TBL1XR1: variants seen among roughly 807,000 people sequenced by gnomAD.
The protein encoded by TBL1XR1 is TBL1X/Y related 1.
Under a neutral mutation model 66.9 loss-of-function variants are expected in TBL1XR1, and 5 were observed. The observed-to-expected ratio is 0.07, with a 90% CI of 0.04 to 0.16. The LOEUF (loss-of-function observed/expected upper bound fraction) is 0.16, where lower values mean the gene tolerates loss of function less well. Among genes scored for constraint, TBL1XR1 ranks in the 10% least tolerant of loss-of-function variants. The pLI is 1.00. For synonymous variants in TBL1XR1, 210 were observed against 206.0 expected, an observed-to-expected ratio of 1.02 and a Z score of -0.17; for missense variants, 238 against 623.2, an observed-to-expected ratio of 0.38 and a Z score of 6.58.
At chr3:177,062,582 A>G (rs183462995) in intron 3 of TBL1XR1, among the ~76,000 whole-genome samples, 2 of 152,296 alleles carry the variant, frequency 1.3e-5, no homozygotes, top group Admixed American at 6.5e-5. Flanking sequence ...CATAATGTAA[A>G]CAGGAAGTTA....
In TBL1XR1 at chr3:177,057,431, T is replaced by C. The variant is rs186534010; in HGVS notation, c.59-3513A>G. Among the ~76,000 whole-genome samples, 6 of 152,308 alleles carry C rather than the reference T, an allele frequency of 3.9e-5. No homozygotes were observed. In the East Asian group the frequency reaches 1.2e-3, roughly 29 times the overall value. On this transcript the variant is annotated intron_variant, in intron 3 of 15. Transcript: ENST00000457928. ...TAGTAATCCTTTAATTCTGGGAAAC[T>C]AGCACATTACCTGAGTCAACAAGTA...
chr3:177,104,925 G>C (rs28528188), intron 1 of TBL1XR1, among the ~76,000 whole-genome samples: 5,633 of 152,232 alleles, frequency 0.037, 212 homozygotes, highest in African/African-American at 0.085. Flanking sequence ...AAAGACAACA[G>C]CACAAACTCT....
intron 2 of TBL1XR1, chr3:177,079,372 G>C (rs1721115342): frequency 6.6e-6 from 1 of 150,972 alleles, no homozygotes; most frequent in African/African-American, 2.4e-5. Flanking sequence ...GGTGGAGCTT[G>C]CAGTGAGCCA....
At chr3:177,143,548 T>C (rs2108827283) in intron 1 of TBL1XR1, among the ~76,000 whole-genome samples, 1 of 152,334 alleles carries the variant, frequency 6.6e-6, no homozygotes, top group African/African-American at 2.4e-5. Flanking sequence ...CAGCTAACCT[T>C]TGAAATTAAA....
intron 3 of TBL1XR1, among the ~76,000 whole-genome samples, chr3:177,055,298 T>C: frequency 6.6e-6 from 1 of 151,988 alleles, no homozygotes. Flanking sequence ...CTAGGAAAAT[T>C]TGGTTATTTG....
intron 1 of TBL1XR1, among the ~76,000 whole-genome samples, chr3:177,149,977 A>AT (rs1458886216): frequency 6.6e-6 from 1 of 152,236 alleles, no homozygotes; most frequent in Non-Finnish European, 1.5e-5. Context: ...TAAAGTGGGT[A>AT]TTAATATATT....
chr3:177,042,708 A>G (rs988536554), intron 10 of TBL1XR1, among the ~76,000 whole-genome samples: 1 of 152,136 alleles, frequency 6.6e-6, no homozygotes, highest in African/African-American at 2.4e-5. Context: ...ACTAATACCC[A>G]TCTCATTTTA....
At chr3:177,042,926 CTTTATTGACATATAA>C (rs767867676) in intron 10 of TBL1XR1, among the ~76,000 whole-genome samples, 85 of 152,040 alleles carry the variant, frequency 5.6e-4, no homozygotes, top group Admixed American at 1.2e-3. Flanking sequence ...AAAAAAAAGC[CTTTATTGACATATAA>C]TTCACATACC....
intron 1 of TBL1XR1, among the ~76,000 whole-genome samples, chr3:177,135,356 T>C (rs1362960507): frequency 3.5e-3 from 113 of 31,912 alleles, no homozygotes; most frequent in Middle Eastern, 0.016. Flanking sequence ...TATATATATA[T>C]ATATATATAT....
intron 1 of TBL1XR1, among the ~76,000 whole-genome samples, chr3:177,107,236 T>G (rs1724994790): frequency 6.6e-6 from 1 of 152,220 alleles, no homozygotes; most frequent in South Asian, 2.1e-4. Flanking sequence ...TTCTGAAATG[T>G]TATGTTTCTA....
intron 1 of TBL1XR1, among the ~76,000 whole-genome samples, chr3:177,162,274 G>A (rs1265057135): frequency 1.3e-5 from 2 of 152,130 alleles, no homozygotes; most frequent in African/African-American, 2.4e-5. Flanking sequence ...AAATGATGAA[G>A]CACAGATTTA....
At chr3:177,160,110 G>GA (rs1731998248) in intron 1 of TBL1XR1, among the ~76,000 whole-genome samples, 1 of 152,122 alleles carries the variant, frequency 6.6e-6, no homozygotes, top group Non-Finnish European at 1.5e-5. Flanking sequence ...ACTTTCTCAA[G>GA]AAGCTCAAAT....
intron 1 of TBL1XR1, among the ~76,000 whole-genome samples, chr3:177,106,574 GTAACTAGATA>G (rs1472590076): frequency 6.6e-6 from 1 of 152,178 alleles, no homozygotes; most frequent in African/African-American, 2.4e-5. Context: ...CTGACTCTTA[GTAACTAGATA>G]ACCTCTCTCA....
At chr3:177,079,930 G>T (rs1038313573) in intron 2 of TBL1XR1, 1 of 152,062 alleles carries the variant, frequency 6.6e-6, no homozygotes, top group Non-Finnish European at 1.5e-5. Context: ...CTAGTCCAAG[G>T]CCTCAGTTTC....
At chr3:177,043,236 T>C (rs1319050665) in intron 10 of TBL1XR1, among the ~76,000 whole-genome samples, 1 of 152,190 alleles carries the variant, frequency 6.6e-6, no homozygotes, top group Non-Finnish European at 1.5e-5. Context: ...TCTCAGTCCA[T>C]CAATTATTGA....
At chr3:177,151,315 C>T (rs527251275) in intron 1 of TBL1XR1, among the ~76,000 whole-genome samples, 2 of 152,304 alleles carry the variant, frequency 1.3e-5, no homozygotes, top group South Asian at 4.1e-4. Context: ...AAAACAGTTG[C>T]ATTTGATTTT....
At chr3:177,162,015 C>G (rs1366968450) in intron 1 of TBL1XR1, among the ~76,000 whole-genome samples, 1 of 152,140 alleles carries the variant, frequency 6.6e-6, no homozygotes, top group East Asian at 1.9e-4. Flanking sequence ...AGTGAAAGAG[C>G]AGACTGGCAC....
chr3:177,175,384 C>T (rs963313811), intron 1 of TBL1XR1, among the ~76,000 whole-genome samples: 41 of 152,238 alleles, frequency 2.7e-4, no homozygotes, highest in African/African-American at 9.4e-4. Flanking sequence ...CAGAATGTAA[C>T]AAATGCACCT....
chr3:177,073,057 T>C (rs1020952480), intron 2 of TBL1XR1, among the ~76,000 whole-genome samples: 3 of 152,060 alleles, frequency 2.0e-5, no homozygotes, highest in Admixed American at 6.6e-5. Flanking sequence ...AAGAGAGAGT[T>C]TGATTTCAAA....
Sources: allele counts gnomAD v4.1 joint callset (sites outside exome capture counted in the v4.1 genomes callset), GRCh38; gene constraint gnomAD v4.1.1; transcripts MANE v1.5; gene names NCBI Gene and HGNC (gene_info 2026-07-23, HGNC 2026-07-21).